The following PAPSS2 variants were observed in gnomAD, a reference collection of about 807,000 sequenced individuals.
PAPSS2 encodes the protein bifunctional 3'-phosphoadenosine 5'-phosphosulfate synthase 2.
In PAPSS2, 61 loss-of-function variants were observed where a neutral mutation model predicts 66.5. That is an observed-to-expected ratio of 0.92 (90% CI 0.75 to 1.14). PAPSS2 has a LOEUF of 1.14. Ranked by LOEUF, PAPSS2 falls within the 50% of genes most tolerant of loss-of-function variation. PAPSS2 has a pLI of 0.00. For synonymous variants in PAPSS2, 289 were observed against 287.5 expected, an observed-to-expected ratio of 1.01 and a Z score of -0.05; for missense variants, 708 against 789.6, an observed-to-expected ratio of 0.90 and a Z score of 1.24.
chr10:87,732,051 AAG>A (rs1330379922), intron 9 of PAPSS2, among the ~76,000 whole-genome samples: 1 of 152,192 alleles, frequency 6.6e-6, no homozygotes, highest in African/African-American at 2.4e-5. Flanking sequence ...TCATGAAAGA[AAG>A]AGTCAATTGA....
At chr10:87,743,242 CAAAA>C (rs113848137) in intron 10 of PAPSS2, 127 bp from the exon 11 acceptor site, 57 of 795,700 alleles carry the variant, frequency 7.2e-5, no homozygotes, top group Admixed American at 6.9e-5. Flanking sequence ...GAGACTCTTT[CAAAA>C]AAAAAAAAAA....
intron 12 of PAPSS2, among the ~76,000 whole-genome samples, 163 bp from the exon 13 acceptor site, chr10:87,745,669 C>T (rs1853928736): frequency 6.6e-6 from 1 of 152,206 alleles, no homozygotes; most frequent in Admixed American, 6.5e-5. Flanking sequence ...CATTATTTCC[C>T]TTCTCTTCTG....
In PAPSS2 at chr10:87,669,121, T is replaced by A. The variant is rs1433339133; in HGVS notation, c.27+9113T>A. On this transcript the variant is annotated intron_variant, in intron 1 of 12. Transcript: ENST00000456849. ...TATTTTTGATTGGCCGGACTGTTTC[T>A]CTTTAGAAAATTCAACCCTTTCCCA... Among the ~76,000 whole-genome samples the A allele has an allele frequency of 3.9e-5, 6 of 152,358 alleles. 1 individual carries two copies. The highest frequency in any genetic ancestry group is 3.9e-4 in the Admixed American group (6 of 15,294).
At chr10:87,722,797 A>C (rs1853612902) in intron 8 of PAPSS2, among the ~76,000 whole-genome samples, 1 of 152,242 alleles carries the variant, frequency 6.6e-6, no homozygotes, top group Admixed American at 6.5e-5. Flanking sequence ...GGGAAACTAC[A>C]GTAAATCTGT....
At chr10:87,706,223 G>A (rs1437237141) in intron 1 of PAPSS2, among the ~76,000 whole-genome samples, 1 of 147,814 alleles carries the variant, frequency 6.8e-6, no homozygotes, top group African/African-American at 2.5e-5. Flanking sequence ...ATGATGCCAG[G>A]GATTCTTCTT....
chr10:87,735,995 T>C (rs976354904), intron 9 of PAPSS2, among the ~76,000 whole-genome samples: 9 of 152,174 alleles, frequency 5.9e-5, no homozygotes, highest in African/African-American at 2.2e-4. Flanking sequence ...CAGCTTTCTC[T>C]CACTCACTCT....
chr10:87,714,465 G>A (rs2131710630), intron 4 of PAPSS2, among the ~76,000 whole-genome samples: 1 of 152,228 alleles, frequency 6.6e-6, no homozygotes, highest in East Asian at 1.9e-4. Context: ...GTGTTTCAGA[G>A]TTCTTCCTTA....
chr10:87,719,068 T>C (rs1179585192), intron 7 of PAPSS2, among the ~76,000 whole-genome samples: 1 of 152,212 alleles, frequency 6.6e-6, no homozygotes, highest in African/African-American at 2.4e-5. Context: ...ACCCCAGTTA[T>C]GATCAGGATT....
intron 8 of PAPSS2, among the ~76,000 whole-genome samples, chr10:87,722,612 C>T (rs1853610746): frequency 6.6e-6 from 1 of 151,986 alleles, no homozygotes; most frequent in Admixed American, 6.6e-5. Flanking sequence ...TAAGATATAC[C>T]ACAATAAAAT....
Position 87,713,213 on chromosome 10 carries a change from A to T in PAPSS2, c.284A>T (p.Asp95Val). ...AGAAATCTCGGATTCTCTCCTGGGG[A>T]CAGAGAGGAAAATATCCGCCGGATT... Reference protein sequence around the residue: ...LNRNLGFSPGDREENIRRIAE... With the variant: ...LNRNLGFSPGVREENIRRIAE... The change falls in exon 3 of 13, where the codon GAC (aspartate) becomes GTC (valine). Residue 95 changes from aspartate to valine, a missense_variant. Asp to Val is a radical substitution (Grantham distance 152). Coordinates refer to ENST00000456849, the MANE Select transcript of PAPSS2 (RefSeq NM_001015880.2). The T allele has an allele frequency of 1.9e-6, 3 of 1,610,058 alleles. No individual in the cohort carries two copies. Among genetic ancestry groups the T allele is most frequent in the Non-Finnish European group, 2.5e-6 (3 of 1,178,422 alleles).
chr10:87,745,814 G>C lies in PAPSS2; in HGVS notation c.1722-18G>C. 1 of 1,613,866 alleles carries C rather than the reference G, an allele frequency of 6.2e-7. No individual in the cohort carries two copies. The highest frequency in any genetic ancestry group is 8.5e-7 in the Non-Finnish European group (1 of 1,179,840). On this transcript the variant is annotated intron_variant, in intron 12 of 12. Transcript: ENST00000456849. ...ATCATTTACCTACACTGAGTTCTTTGTTGCCACCCTGTAACAGGCACAATG... is the reference window on the plus strand; with the variant it reads ...ATCATTTACCTACACTGAGTTCTTTCTTGCCACCCTGTAACAGGCACAATG...
intron 1 of PAPSS2, among the ~76,000 whole-genome samples, chr10:87,686,299 A>C (rs1490061195): frequency 1.3e-5 from 2 of 149,652 alleles, no homozygotes; most frequent in East Asian, 3.9e-4. Flanking sequence ...TACACTGTGG[A>C]ATCTGTGAGT....
At chr10:87,740,171 A>T (rs535276921) in intron 9 of PAPSS2, among the ~76,000 whole-genome samples, 2 of 139,648 alleles carry the variant, frequency 1.4e-5, no homozygotes, top group East Asian at 3.9e-4. Flanking sequence ...TTCATTGCCA[A>T]TGATAAATCT....
chr10:87,706,096 ATATATATATATATGTGTGTG>A (rs1296893592), intron 1 of PAPSS2, among the ~76,000 whole-genome samples: 1 of 86,832 alleles, frequency 1.2e-5, no homozygotes, highest in African/African-American at 6.9e-5. Flanking sequence ...ATATATATAT[ATATATATATATATGTGTGTG>A]TGTGTGTGTG....
intron 7 of PAPSS2, among the ~76,000 whole-genome samples, chr10:87,719,678 A>G (rs1470276008): frequency 6.6e-6 from 1 of 152,132 alleles, no homozygotes; most frequent in East Asian, 1.9e-4. Flanking sequence ...GAAGTAGCAC[A>G]GATACGATGT....
intron 7 of PAPSS2, among the ~76,000 whole-genome samples, chr10:87,716,573 G>A (rs1211071941): frequency 6.6e-6 from 1 of 152,152 alleles, no homozygotes; most frequent in African/African-American, 2.4e-5. Context: ...GTAGAGTCAC[G>A]CTGAATTTGT....
At chr10:87,717,870 CA>C (rs1853550539) in intron 7 of PAPSS2, among the ~76,000 whole-genome samples, 1 of 152,142 alleles carries the variant, frequency 6.6e-6, no homozygotes, top group Non-Finnish European at 1.5e-5. Context: ...TTATAGACAA[CA>C]AATTCTTAAA....
intron 7 of PAPSS2, among the ~76,000 whole-genome samples, chr10:87,717,087 C>T (rs1589435929): frequency 6.6e-6 from 1 of 152,182 alleles, no homozygotes; most frequent in African/African-American, 2.4e-5. Flanking sequence ...ACATACCAGT[C>T]TGCTCTCCTG....
intron 9 of PAPSS2, among the ~76,000 whole-genome samples, chr10:87,734,601 C>T (rs1853769736): frequency 6.8e-6 from 1 of 146,486 alleles, no homozygotes; most frequent in South Asian, 2.2e-4. Flanking sequence ...TACATTACCT[C>T]CAGGTTCCTT....
Sources: allele counts gnomAD v4.1 joint callset (sites outside exome capture counted in the v4.1 genomes callset), GRCh38; gene constraint gnomAD v4.1.1; transcripts MANE v1.5; gene names NCBI Gene and HGNC (gene_info 2026-07-23, HGNC 2026-07-21).